TMEM164: variants seen among roughly 807,000 people sequenced by gnomAD.
TMEM164 encodes the protein RP13-360B22.2.
Under a neutral mutation model 18.8 loss-of-function variants are expected in TMEM164, and 4 were observed. The observed-to-expected ratio is 0.21, with a 90% CI of 0.10 to 0.49. The LOEUF (loss-of-function observed/expected upper bound fraction) is 0.49. TMEM164 is among the 20% of genes least tolerant of loss of function. The pLI is 0.98. For missense variants in TMEM164, 108 were observed against 239.9 expected, an observed-to-expected ratio of 0.45 and a Z score of 3.63; for synonymous variants, 86 against 101.7, an observed-to-expected ratio of 0.85 and a Z score of 0.93.
At chrX:110,093,179 GT>G (rs1250351626) in intron 3 of TMEM164, among the ~76,000 whole-genome samples, 1 of 111,398 alleles carries the variant, frequency 9.0e-6, no homozygotes, top group East Asian at 2.8e-4. Context: ...CTCTTTTTTT[GT>G]TGTGTCTCTG....
intron 2 of TMEM164, among the ~76,000 whole-genome samples, chrX:110,029,089 G>A (rs751862889): frequency 1.1e-4 from 12 of 111,260 alleles, no homozygotes; most frequent in Non-Finnish European, 2.3e-4. Flanking sequence ...CCCTCTGGGT[G>A]GGCTGGGTAA....
At chrX:110,135,864 A>G (rs1225374473) in intron 4 of TMEM164, among the ~76,000 whole-genome samples, 1 of 112,063 alleles carries the variant, frequency 8.9e-6, no homozygotes, top group East Asian at 2.8e-4. Context: ...TAAGTACTTC[A>G]GCCTGCAGCT....
intron 5 of TMEM164, among the ~76,000 whole-genome samples, chrX:110,162,110 G>A (rs1421618909): frequency 8.9e-6 from 1 of 112,736 alleles, no homozygotes; most frequent in Non-Finnish European, 1.9e-5. Flanking sequence ...CTGCTGTAGC[G>A]GATTCTGATA....
chrX:110,114,725 A>AT (rs2066336852), intron 4 of TMEM164, among the ~76,000 whole-genome samples: 1 of 111,495 alleles, frequency 9.0e-6, no homozygotes, highest in Non-Finnish European at 1.9e-5. Flanking sequence ...TGAAGATACT[A>AT]TATCAGCCCT....
intron 2 of TMEM164, among the ~76,000 whole-genome samples, chrX:110,030,108 G>GTTTT (rs34803907): frequency 2.6e-4 from 7 of 26,993 alleles, no homozygotes; most frequent in Non-Finnish European, 3.1e-4. Context: ...TTCTCTGTCT[G>GTTTT]TTTTTTTTTT....
downstream of TMEM164, among the ~76,000 whole-genome samples, chrX:110,181,558 T>C (rs1263736735): frequency 8.8e-6 from 1 of 113,012 alleles, no homozygotes; most frequent in Non-Finnish European, 1.9e-5. Context: ...ATTTACAACC[T>C]CAGTAGTTAT....
At chrX:110,046,460 G>T in intron 2 of TMEM164, 2 of 754,751 alleles carry the variant, frequency 2.6e-6, no homozygotes, top group Non-Finnish European at 3.1e-6. Context: ...TCCAGTCACA[G>T]AAATGGAAAC....
chrX:110,133,749 A>G (rs1179324967), intron 4 of TMEM164, among the ~76,000 whole-genome samples: 1 of 111,669 alleles, frequency 9.0e-6, no homozygotes, highest in Non-Finnish European at 1.9e-5. Context: ...TATGTGAACT[A>G]TTATTATTAT....
At chrX:110,131,184 C>T (rs139479601) in intron 4 of TMEM164, among the ~76,000 whole-genome samples, 1,440 of 111,804 alleles carry the variant, frequency 0.013, 15 homozygotes, top group Middle Eastern at 0.028. Context: ...AGCAATGACC[C>T]CCAGGGAGTA....
intron 4 of TMEM164, among the ~76,000 whole-genome samples, chrX:110,112,494 T>C (rs1293912160): frequency 9.0e-6 from 1 of 111,449 alleles, no homozygotes; most frequent in Non-Finnish European, 1.9e-5. Context: ...CACACCAGCC[T>C]AGGCAACAGA....
rs1419455406 is a variant in TMEM164 at position 110,144,806 on chromosome X, T to C, written c.516T>C (p.Phe172=). Residue 172 remains phenylalanine, a synonymous_variant, in exon 5 of 7, where the codon TTT becomes TTC. Transcript: ENST00000372068. The part of the protein sequence containing the change: ...FPVVNTRLLP[F]ELEIYYIQHV... ...CCCTCCTATCCTCACAGCTCCCCTT[T>C]GAATTGGAGATTTACTACATTCAGC... 8.3e-7 allele frequency: 1 copy of C among 1,205,871 alleles called. No individual in the cohort carries two copies. Among genetic ancestry groups the C allele is most frequent in the East Asian group, 3.0e-5 (1 of 33,735 alleles).
chrX:110,180,735 A>G (rs970431526), downstream of TMEM164, among the ~76,000 whole-genome samples: 3 of 111,241 alleles, frequency 2.7e-5, no homozygotes, highest in African/African-American at 9.8e-5. Context: ...TCCTTGACAC[A>G]TCTGTGCTAG....
rs772473308 is a variant in TMEM164, at chrX:110,006,795, A to G, written c.390+2631A>G. 1.1e-4 allele frequency among the ~76,000 whole-genome samples: 12 copies of G among 112,708 alleles called. No homozygotes were observed. In the East Asian group the frequency reaches 3.3e-3, roughly 31 times the overall value. On this transcript the variant is annotated intron_variant, in intron 2 of 6. Transcript: ENST00000372068. Reference sequence around the variant, plus strand: ...GTTAAAATGTTTCCTGCAACAGTGTATATTCCAAAGAGGAGATACTATGTA... The same window carrying G: ...GTTAAAATGTTTCCTGCAACAGTGTGTATTCCAAAGAGGAGATACTATGTA...
At chrX:110,169,957 A>G (rs752095062) in intron 5 of TMEM164, among the ~76,000 whole-genome samples, 4 of 111,389 alleles carry the variant, frequency 3.6e-5, no homozygotes, top group Non-Finnish European at 7.5e-5. Flanking sequence ...ATTTGAGTTC[A>G]TGACCCTGGT....
intron 3 of TMEM164, among the ~76,000 whole-genome samples, chrX:110,098,559 C>T (rs1307308925): frequency 9.0e-6 from 1 of 111,441 alleles, no homozygotes; most frequent in African/African-American, 3.3e-5. Flanking sequence ...TTTACATTTA[C>T]ATTCCTACCA....
intron 2 of TMEM164, among the ~76,000 whole-genome samples, chrX:110,053,997 C>T (rs1261747983): frequency 9.0e-6 from 1 of 111,555 alleles, no homozygotes. Context: ...GGAGTGGAGG[C>T]AGAGGGAACT....
At chrX:110,068,591 A>C (rs2065535422) in intron 3 of TMEM164, among the ~76,000 whole-genome samples, 1 of 112,403 alleles carries the variant, frequency 8.9e-6, no homozygotes, top group Non-Finnish European at 1.9e-5. Context: ...TTTTCTTAAG[A>C]AGCAGAGATC....
At chrX:110,036,544 T>A (rs1331624959) in intron 2 of TMEM164, among the ~76,000 whole-genome samples, 1 of 112,502 alleles carries the variant, frequency 8.9e-6, no homozygotes, top group Non-Finnish European at 1.9e-5. Flanking sequence ...CAGAGCTATG[T>A]TGAAAGGTGC....
chrX:110,021,523 A>ATG (rs138161390), intron 2 of TMEM164, among the ~76,000 whole-genome samples: 59 of 110,348 alleles, frequency 5.3e-4, no homozygotes, highest in Middle Eastern at 9.5e-3. Flanking sequence ...GTGTGTTTGT[A>ATG]TGTGTGTGTG....
Sources: gnomAD v4.1 joint callset for allele counts (sites outside exome capture counted in the v4.1 genomes callset) on GRCh38, gnomAD v4.1.1 for gene constraint, MANE v1.5 for transcripts, NCBI Gene and HGNC (gene_info 2026-07-23, HGNC 2026-07-21) for gene names.